SLC16A10: variants seen among roughly 807,000 people sequenced by gnomAD.
SLC16A10 encodes solute carrier family 16 member 10.
SLC16A10 carries 27 observed loss-of-function variants against 40.0 expected under a neutral mutation model. The observed-to-expected ratio is 0.67, with a 90% CI of 0.50 to 0.93. The LOEUF (loss-of-function observed/expected upper bound fraction) is 0.93, where lower values mean the gene tolerates loss of function less well. Ranked by LOEUF, SLC16A10 falls within the 40% of genes least tolerant of loss-of-function variation. The pLI is 0.00. For missense variants in SLC16A10, 529 were observed against 658.2 expected (o/e 0.80, Z 2.15); for synonymous variants, 213 against 249.8 (o/e 0.85, Z 1.39).
chr6:111,136,563 G>A (rs988613214), intron 1 of SLC16A10, among the ~76,000 whole-genome samples: 32 of 152,186 alleles, frequency 2.1e-4, no homozygotes, highest in African/African-American at 7.7e-4. Context: ...CTGCGCACTT[G>A]TGCAACTCTT....
chr6:111,125,877 GT>G (rs1771666237), intron 1 of SLC16A10, among the ~76,000 whole-genome samples: 2 of 152,114 alleles, frequency 1.3e-5, no homozygotes, highest in Non-Finnish European at 2.9e-5. Context: ...TCAAACAGGA[GT>G]TTTCTGGAAA....
chr6:111,100,021 CAAAAA>C (rs56154710), intron 1 of SLC16A10, among the ~76,000 whole-genome samples: 2 of 112,598 alleles, frequency 1.8e-5, no homozygotes, highest in Non-Finnish European at 1.8e-5. Context: ...GACCCTGTCT[CAAAAA>C]AAAAAAAAAA....
At chr6:111,203,444 C>G (rs1229343856) in intron 3 of SLC16A10, among the ~76,000 whole-genome samples, 2 of 151,924 alleles carry the variant, frequency 1.3e-5, no homozygotes, top group Admixed American at 6.6e-5. Flanking sequence ...TAAATAATGC[C>G]CCTTCTAGGC....
intron 3 of SLC16A10, among the ~76,000 whole-genome samples, chr6:111,188,867 G>A (rs1278563446): frequency 6.6e-6 from 1 of 152,178 alleles, no homozygotes; most frequent in Non-Finnish European, 1.5e-5. Context: ...AGTGCTAATA[G>A]TGGTTCTTCT....
chr6:111,148,969 A>G (rs1772126089), intron 1 of SLC16A10, among the ~76,000 whole-genome samples: 1 of 152,128 alleles, frequency 6.6e-6, no homozygotes. Context: ...CCTGATATTG[A>G]TCGTCCATGG....
intron 1 of SLC16A10, among the ~76,000 whole-genome samples, chr6:111,092,284 A>G (rs867298524): frequency 6.6e-6 from 1 of 151,304 alleles, no homozygotes; most frequent in Non-Finnish European, 1.5e-5. Flanking sequence ...CTGAGGGAGC[A>G]AGCTAAGCTT....
intron 4 of SLC16A10, among the ~76,000 whole-genome samples, chr6:111,214,450 C>T (rs577535823): frequency 6.6e-5 from 10 of 152,310 alleles, no homozygotes; most frequent in Admixed American, 5.2e-4. Flanking sequence ...AAGCATTGAA[C>T]CTGCTATATG....
At chr6:111,112,456 T>C (rs1013707594) in intron 1 of SLC16A10, among the ~76,000 whole-genome samples, 2 of 152,254 alleles carry the variant, frequency 1.3e-5, no homozygotes, top group African/African-American at 4.8e-5. Context: ...TTCCTAGTCA[T>C]GGAAAGTCCA....
At chr6:111,167,497 G>A (rs1012253338) in intron 1 of SLC16A10, among the ~76,000 whole-genome samples, 3 of 152,106 alleles carry the variant, frequency 2.0e-5, no homozygotes, top group African/African-American at 7.2e-5. Context: ...AGTTCTGTGG[G>A]GGCATGCTTT....
intron 1 of SLC16A10, among the ~76,000 whole-genome samples, chr6:111,120,874 T>G (rs190998493): frequency 1.3e-5 from 2 of 152,376 alleles, no homozygotes; most frequent in Admixed American, 1.3e-4. Context: ...TTAGGGTTAT[T>G]TTTATTCTTT....
intron 1 of SLC16A10, among the ~76,000 whole-genome samples, chr6:111,108,187 T>G (rs1169034823): frequency 6.6e-6 from 1 of 152,022 alleles, no homozygotes; most frequent in Non-Finnish European, 1.5e-5. Flanking sequence ...GTCCAGCTAT[T>G]TTTTGTATTT....
chr6:111,164,880 A>T (rs965818811), intron 1 of SLC16A10, among the ~76,000 whole-genome samples: 6 of 152,244 alleles, frequency 3.9e-5, no homozygotes, highest in Admixed American at 6.5e-5. Flanking sequence ...GTATTTTACC[A>T]ATAATCTCTA....
At chr6:111,119,327 G>T (rs753094711) in intron 1 of SLC16A10, among the ~76,000 whole-genome samples, 7 of 152,156 alleles carry the variant, frequency 4.6e-5, no homozygotes, top group Non-Finnish European at 1.0e-4. Context: ...TTTAGAGTAG[G>T]CTGCATAGTC....
At chr6:111,170,964 C>A (rs1261459894) in intron 1 of SLC16A10, among the ~76,000 whole-genome samples, 1 of 151,996 alleles carries the variant, frequency 6.6e-6, no homozygotes, top group Admixed American at 6.6e-5. Context: ...ATGGCGAAAC[C>A]TTGTCTCTAC....
chr6:111,144,319 T>A (rs1046491405), intron 1 of SLC16A10, among the ~76,000 whole-genome samples: 6 of 152,174 alleles, frequency 3.9e-5, no homozygotes, highest in Non-Finnish European at 8.8e-5. Flanking sequence ...TTCTCCTGCC[T>A]CAGCCTCCCT....
chr6:111,157,989 A>G (rs1449799638), intron 1 of SLC16A10, among the ~76,000 whole-genome samples: 1 of 151,904 alleles, frequency 6.6e-6, no homozygotes, highest in African/African-American at 2.4e-5. Context: ...TGACTTTCTT[A>G]TTTGAAAGCA....
intron 1 of SLC16A10, among the ~76,000 whole-genome samples, chr6:111,124,864 C>T (rs1184090914): frequency 6.6e-6 from 1 of 152,154 alleles, no homozygotes; most frequent in Non-Finnish European, 1.5e-5. Context: ...GTTCTTCCTA[C>T]CTCTGCATTT....
intron 1 of SLC16A10, among the ~76,000 whole-genome samples, chr6:111,111,910 C>T (rs1044408157): frequency 3.9e-5 from 6 of 152,148 alleles, no homozygotes; most frequent in African/African-American, 1.2e-4. Context: ...TCTCTTCTAT[C>T]CTTTGTACCA....
chr6:111,169,920 T>TTTC (rs35543748), intron 1 of SLC16A10, among the ~76,000 whole-genome samples: 44 of 306 alleles, frequency 0.14, no homozygotes, highest in Middle Eastern at 0.5. Flanking sequence ...CTTTTCTTTC[T>TTTC]TTTTTTTTTT....
Sources: gnomAD v4.1 joint callset for allele counts (sites outside exome capture counted in the v4.1 genomes callset) on GRCh38, gnomAD v4.1.1 for gene constraint, MANE v1.5 for transcripts, NCBI Gene and HGNC (gene_info 2026-07-23, HGNC 2026-07-21) for gene names.